The following DOCK2 variants were observed in gnomAD, a reference collection of about 807,000 sequenced individuals.
The protein encoded by DOCK2 is dedicator of cytokinesis protein 2.
DOCK2 carries 87 observed loss-of-function variants against 248.9 expected under a neutral mutation model. The observed-to-expected ratio is 0.35, with a 90% CI of 0.29 to 0.42. The LOEUF (loss-of-function observed/expected upper bound fraction) is 0.42. DOCK2 is among the 10% of genes least tolerant of loss of function. The pLI is 1.00. For missense variants in DOCK2, 1,747 were observed against 2,300.2 expected (o/e 0.76, Z 4.92); for synonymous variants, 805 against 821.6 (o/e 0.98, Z 0.35).
intron 1 of DOCK2, 142 bp from the exon 2 acceptor site, chr5:169,654,261 G>T: frequency 2.5e-6 from 2 of 814,364 alleles, no homozygotes; most frequent in Non-Finnish European, 3.8e-6. Context: ...CTTGTGGCAG[G>T]CAATAGGTTT....
At chr5:169,865,000 C>T (rs565030811) in intron 27 of DOCK2, among the ~76,000 whole-genome samples, 4 of 152,262 alleles carry the variant, frequency 2.6e-5, no homozygotes, top group East Asian at 1.9e-4. Flanking sequence ...CTTCTATTAC[C>T]GCTATCATCA....
chr5:169,726,429 G>A (rs1351441918), intron 22 of DOCK2, among the ~76,000 whole-genome samples: 1 of 152,212 alleles, frequency 6.6e-6, no homozygotes, highest in Non-Finnish European at 1.5e-5. Flanking sequence ...TAGGAAGATT[G>A]TAAAAATTTT....
intron 25 of DOCK2, among the ~76,000 whole-genome samples, chr5:169,774,893 T>TTTGTTG (rs71575576): frequency 0.012 from 1,770 of 150,850 alleles, 32 homozygotes; most frequent in African/African-American, 0.04. Context: ...ATGACTGTTT[T>TTTGTTG]TTGTTGTTGT....
At chr5:170,033,077 T>C (rs76046981) in intron 34 of DOCK2, among the ~76,000 whole-genome samples, 6,325 of 151,890 alleles carry the variant, frequency 0.042, 196 homozygotes, top group Middle Eastern at 0.16. Context: ...ACCTGCAAAA[T>C]GGGGGAAATA....
intron 9 of DOCK2, among the ~76,000 whole-genome samples, chr5:169,690,435 A>G (rs1391963745): frequency 6.6e-6 from 1 of 152,186 alleles, no homozygotes; most frequent in African/African-American, 2.4e-5. Flanking sequence ...GTTACAGCCC[A>G]TTAATTGCAA....
chr5:169,656,200 C>T (rs1350385340), intron 2 of DOCK2, among the ~76,000 whole-genome samples: 1 of 152,192 alleles, frequency 6.6e-6, no homozygotes, highest in African/African-American at 2.4e-5. Flanking sequence ...AGCAACTCTC[C>T]TCAGTGCCTC....
chr5:169,750,392 TTA>T (rs1300905408), intron 23 of DOCK2, among the ~76,000 whole-genome samples: 2 of 152,238 alleles, frequency 1.3e-5, no homozygotes, highest in Non-Finnish European at 2.9e-5. Context: ...ATGCCCTTCT[TTA>T]TCAGCTGCAT....
intron 33 of DOCK2, among the ~76,000 whole-genome samples, chr5:170,022,213 G>T (rs987816396): frequency 6.6e-6 from 1 of 152,166 alleles, no homozygotes; most frequent in Non-Finnish European, 1.5e-5. Context: ...TTTGGGAAAG[G>T]CTTTCCTGCC....
chr5:169,760,214 C>T lies in DOCK2; in HGVS notation c.2447+439C>T, dbSNP rs563293284. ...ACTACGTTCAGCTCATAGATGAACA[C>T]GTTATTTTAATGTGATTATGCTGTT... On this transcript the variant is annotated intron_variant, in intron 24 of 51. Transcript: ENST00000520908. Among the ~76,000 whole-genome samples, 307 of 152,076 alleles carry T rather than the reference C, an allele frequency of 2.0e-3. 2 individuals are homozygous for T. Among genetic ancestry groups the T allele is most frequent in the Middle Eastern group, 3.4e-3 (1 of 294 alleles).
At chr5:169,762,111 G>A (rs77632226) in intron 25 of DOCK2, among the ~76,000 whole-genome samples, 1,942 of 152,168 alleles carry the variant, frequency 0.013, 58 homozygotes, top group African/African-American at 0.045. Context: ...AAAAGGTAAC[G>A]CATTTACATG....
chr5:169,997,323 C>T (rs969962973), intron 30 of DOCK2, among the ~76,000 whole-genome samples: 2 of 139,076 alleles, frequency 1.4e-5, no homozygotes, highest in Non-Finnish European at 3.1e-5. Context: ...CCGAGACATT[C>T]CATTGCCCAG....
intron 27 of DOCK2, among the ~76,000 whole-genome samples, chr5:169,843,631 A>G (rs148324052): frequency 6.6e-4 from 100 of 152,352 alleles, no homozygotes; most frequent in African/African-American, 2.3e-3. Context: ...TAGAAAATTT[A>G]TAGTTATGCA....
At chr5:169,806,736 T>C (rs1767387703) in intron 26 of DOCK2, among the ~76,000 whole-genome samples, 1 of 152,012 alleles carries the variant, frequency 6.6e-6, no homozygotes, top group Admixed American at 6.6e-5. Flanking sequence ...AACAAACAAA[T>C]CGGCAGTCCC....
chr5:169,808,271 A>C (rs1053103783), intron 26 of DOCK2, among the ~76,000 whole-genome samples: 3 of 152,156 alleles, frequency 2.0e-5, no homozygotes, highest in Non-Finnish European at 4.4e-5. Flanking sequence ...GAAATTTAGC[A>C]ATTACAGTGC....
intron 1 of DOCK2, among the ~76,000 whole-genome samples, chr5:169,644,980 C>A (rs1265288497): frequency 1.3e-5 from 2 of 152,114 alleles, no homozygotes; most frequent in Non-Finnish European, 2.9e-5. Context: ...GATCTCATTT[C>A]TTTTTATGGC....
chr5:169,883,723 G>C (rs189748904), intron 27 of DOCK2: 1 of 1,551,538 alleles, frequency 6.4e-7, no homozygotes, highest in East Asian at 2.4e-5. Flanking sequence ...CGGGTCTTCT[G>C]GAGTTTGGAC....
intron 32 of DOCK2, among the ~76,000 whole-genome samples, chr5:170,012,906 G>C (rs1396597000): frequency 6.6e-6 from 1 of 152,148 alleles, no homozygotes; most frequent in East Asian, 1.9e-4. Flanking sequence ...AGGGAGGTTG[G>C]CCTGGCCAAG....
At chr5:169,731,645 T>C (rs1762777170) in intron 22 of DOCK2, among the ~76,000 whole-genome samples, 1 of 150,654 alleles carries the variant, frequency 6.6e-6, no homozygotes, top group Admixed American at 6.6e-5. Flanking sequence ...GCAGTCATTG[T>C]GCCCAGGTAC....
chr5:169,877,388 G>A (rs1772392670), intron 27 of DOCK2, among the ~76,000 whole-genome samples: 1 of 152,186 alleles, frequency 6.6e-6, no homozygotes, highest in South Asian at 2.1e-4. Context: ...CAAATGATGA[G>A]AGCCTTTTCT....
Sources: gnomAD v4.1 joint callset for allele counts (sites outside exome capture counted in the v4.1 genomes callset) on GRCh38, gnomAD v4.1.1 for gene constraint, MANE v1.5 for transcripts, NCBI Gene and HGNC (gene_info 2026-07-23, HGNC 2026-07-21) for gene names.